The following DCUN1D5 variants were observed in gnomAD, a reference collection of about 807,000 sequenced individuals.
DCUN1D5 encodes DCN1-like protein 5.
In DCUN1D5, 10 loss-of-function variants were observed where a neutral mutation model predicts 38.3. That is an observed-to-expected ratio of 0.26 (90% CI 0.16 to 0.44). The LOEUF (loss-of-function observed/expected upper bound fraction) is 0.44, where lower values mean the gene tolerates loss of function less well. Ranked by LOEUF, DCUN1D5 falls within the 20% of genes least tolerant of loss-of-function variation. The probability of loss-of-function intolerance (pLI) is 1.00; values close to 1 mark genes in which losing one functional copy is unlikely to be tolerated. For synonymous variants in DCUN1D5, 93 were observed against 90.9 expected (o/e 1.02, Z -0.13); for missense variants, 148 against 275.3 (o/e 0.54, Z 3.27).
chr11:103,087,450 G>A lies in DCUN1D5; in HGVS notation c.178+1777C>T, dbSNP rs529165933. ...CTCCCAAAGTGCTGAGATTACAGAC[G>A]TGAGCCACCACACCCGGCTGAAACC... On this transcript the variant is annotated intron_variant, in intron 2 of 7. Transcript: ENST00000260247. The surrounding 1 kb of genome is among the most constrained non-coding windows in gnomAD (Gnocchi z 4.1). Among the ~76,000 whole-genome samples the A allele has an allele frequency of 6.6e-6, 1 of 152,194 alleles. No individual in the cohort carries two copies. The highest frequency in any genetic ancestry group is 6.5e-5 in the Admixed American group (1 of 15,284).
chr11:103,065,910 G>A lies in DCUN1D5; in HGVS notation c.555+359C>T, dbSNP rs1862122944. Among the ~76,000 whole-genome samples the A allele has an allele frequency of 1.3e-5, 2 of 152,192 alleles. No homozygotes were observed. Among genetic ancestry groups the A allele is most frequent in the Non-Finnish European group, 2.9e-5 (2 of 68,010 alleles). The stretch of plus-strand genomic sequence containing the variant: ...TGTACATTTCAGCTTAAGACCCTGT[G>A]TAACAAAAGAAGAAAATCAGATTTA... On this transcript the variant is annotated intron_variant, in intron 6 of 7. Coordinates refer to ENST00000260247, the MANE Select transcript of DCUN1D5 (RefSeq NM_032299.4). This position sits in a 1 kb window ranked among gnomAD's most constrained non-coding sequence, Gnocchi z 4.6.
At position 103,063,082 on chromosome 11, in the gene DCUN1D5, T is replaced by C. The variant is rs1409805266; in HGVS notation, c.659-668A>G. Among the ~76,000 whole-genome samples the C allele has an allele frequency of 3.9e-5, 6 of 152,110 alleles. No individual in the cohort carries two copies. Among genetic ancestry groups the C allele is most frequent in the Admixed American group, 3.9e-4 (6 of 15,254 alleles). The stretch of plus-strand genomic sequence containing the variant: ...AAAACACATAATCCTCTGGTGGTCT[T>C]TTTCCATTGCTTTTGACAGACATGT... On this transcript the variant is annotated intron_variant, in intron 7 of 7. Transcript: ENST00000260247. This position sits in a 1 kb window ranked among gnomAD's most constrained non-coding sequence, Gnocchi z 4.6.
At chr11:103,074,137 T>C (rs940613589) in intron 4 of DCUN1D5, among the ~76,000 whole-genome samples, 3 of 152,034 alleles carry the variant, frequency 2.0e-5, no homozygotes, top group Admixed American at 6.6e-5. Context: ...AAACTGGACA[T>C]CATCAAAAAC....
intron 4 of DCUN1D5, among the ~76,000 whole-genome samples, chr11:103,068,665 A>C (rs1591209088): frequency 6.6e-6 from 1 of 152,152 alleles, no homozygotes; most frequent in East Asian, 1.9e-4. Context: ...AGGAAACAAC[A>C]GACACTGGGG....
At chr11:103,090,604 T>C (rs992415693) in intron 1 of DCUN1D5, among the ~76,000 whole-genome samples, 1 of 152,306 alleles carries the variant, frequency 6.6e-6, no homozygotes, top group African/African-American at 2.4e-5. Context: ...GCAGCTAATA[T>C]GGTTATTTTT....
rs1862731171 is a variant in DCUN1D5 at position 103,087,146 on chromosome 11, TGAAACCCC to T, written c.178+2073_178+2080del. Among the ~76,000 whole-genome samples the T allele has an allele frequency of 6.6e-6, 1 of 150,928 alleles. No individual in the cohort carries two copies. Among genetic ancestry groups the T allele is most frequent in the Admixed American group, 6.6e-5 (1 of 15,188 alleles). On this transcript the variant is annotated intron_variant, in intron 2 of 7. Coordinates refer to ENST00000260247, the MANE Select transcript of DCUN1D5 (RefSeq NM_032299.4). The surrounding 1 kb of genome is among the most constrained non-coding windows in gnomAD (Gnocchi z 4.1). ...TTGGAGACCAGTTTGGGCAACATCG[TGAAACCCC>T]ATTTCTTTTTTTCTTTTTCTTTTTT... is the stretch of plus-strand genomic sequence containing the variant.
At chr11:103,070,509 A>G (rs1163052437) in intron 4 of DCUN1D5, among the ~76,000 whole-genome samples, 1 of 152,224 alleles carries the variant, frequency 6.6e-6, no homozygotes, top group Non-Finnish European at 1.5e-5. Flanking sequence ...AGAAAGACAT[A>G]GCAATCCTAA....
At position 103,059,532 on chromosome 11, in the gene DCUN1D5, AC is replaced by A. The variant is rs1397636632; in HGVS notation, c.*2826del. Among the ~76,000 whole-genome samples, 8 of 152,184 alleles carry A rather than the reference AC, an allele frequency of 5.3e-5. No individual in the cohort carries two copies. Among genetic ancestry groups the A allele is most frequent in the Non-Finnish European group, 1.2e-4 (8 of 68,024 alleles). Reference sequence around the variant, plus strand: ...AACCAATAAAATCTATACATTATACACAAAAATGCTACTACTGTCAAAAATG... The same window carrying A: ...AACCAATAAAATCTATACATTATACAAAAAATGCTACTACTGTCAAAAATG... On this transcript the variant is annotated 3_prime_UTR_variant, in exon 8 of 8. Coordinates refer to ENST00000260247, the MANE Select transcript of DCUN1D5 (RefSeq NM_032299.4).
Position 103,057,000 on chromosome 11 carries a change from A to C in DCUN1D5, c.*5359T>G, listed in dbSNP as rs1041690190. The stretch of plus-strand genomic sequence containing the variant: ...GACATAGGTTAAGTGGCTTGTTTAA[A>C]AGTGACATTAACAGGAATGTCACAA... On this transcript the variant is annotated 3_prime_UTR_variant, in exon 8 of 8. Transcript: ENST00000260247. The surrounding 1 kb of genome is among the most constrained non-coding windows in gnomAD (Gnocchi z 4.9). 6.6e-6 allele frequency among the ~76,000 whole-genome samples: 1 copy of C among 152,168 alleles called. No homozygotes were observed. Among genetic ancestry groups the C allele is most frequent in the Non-Finnish European group, 1.5e-5 (1 of 68,036 alleles).
At chr11:103,085,178 G>A (rs568554997) in intron 2 of DCUN1D5, among the ~76,000 whole-genome samples, 118 of 152,248 alleles carry the variant, frequency 7.8e-4, no homozygotes, top group Admixed American at 1.6e-3. Flanking sequence ...AGTGGCTCAC[G>A]CCTGTAATCT....
chr11:103,053,490 A>G lies in DCUN1D5; in HGVS notation c.*8869T>C, dbSNP rs1201270989. The G allele has an allele frequency of 1.3e-5, 2 of 152,128 alleles. No individual in the cohort carries two copies. Among genetic ancestry groups the G allele is most frequent in the Non-Finnish European group, 2.9e-5 (2 of 67,976 alleles). 9.4% of individuals were successfully genotyped at this position (152,128 alleles called of 1,614,324 possible). A position where few individuals can be genotyped will look rare whatever the true frequency, so the allele number is the denominator to read the frequency against. ...ACTATTGTACATTTCAAAATAGCTA[A>G]AGAGAATTCGAATGTTCCTAGTGTA... On this transcript the variant is annotated 3_prime_UTR_variant, in exon 8 of 8. Coordinates refer to ENST00000260247, the MANE Select transcript of DCUN1D5 (RefSeq NM_032299.4). This position sits in a 1 kb window ranked among gnomAD's most constrained non-coding sequence, Gnocchi z 4.8.
At position 103,057,904 on chromosome 11, in the gene DCUN1D5, TTAA is replaced by T. The variant is rs1861913642; in HGVS notation, c.*4452_*4454del. On this transcript the variant is annotated 3_prime_UTR_variant, in exon 8 of 8. Coordinates refer to ENST00000260247, the MANE Select transcript of DCUN1D5 (RefSeq NM_032299.4). The surrounding 1 kb of genome is among the most constrained non-coding windows in gnomAD (Gnocchi z 4.8). The stretch of plus-strand genomic sequence containing the variant: ...CCATGAAGTATGTGGAAAAAATTCA[TTAA>T]TATCTTAAAGCTCAGAAAGCCAAAA... Among the ~76,000 whole-genome samples, 1 of 152,130 alleles carries T rather than the reference TTAA, an allele frequency of 6.6e-6. No individual in the cohort carries two copies. Among genetic ancestry groups the T allele is most frequent in the Non-Finnish European group, 1.5e-5 (1 of 68,014 alleles).
chr11:103,064,261 T>C lies in DCUN1D5; in HGVS notation c.658+14A>G. ...AAATTTTGTTTTCAAAGGAACATGTTATGTTATACTTACAAGCACCATCTT... is the reference window on the plus strand; with the variant it reads ...AAATTTTGTTTTCAAAGGAACATGTCATGTTATACTTACAAGCACCATCTT... On this transcript the variant is annotated intron_variant, in intron 7 of 7. Transcript: ENST00000260247. The surrounding 1 kb of genome is among the most constrained non-coding windows in gnomAD (Gnocchi z 4.5). The C allele has an allele frequency of 1.3e-6, 2 of 1,597,318 alleles. No homozygotes were observed. Among genetic ancestry groups the C allele is most frequent in the African/African-American group, 1.3e-5 (1 of 74,694 alleles).
intron 4 of DCUN1D5, among the ~76,000 whole-genome samples, chr11:103,080,553 C>T (rs1862533843): frequency 6.6e-6 from 1 of 152,206 alleles, no homozygotes; most frequent in Non-Finnish European, 1.5e-5. Flanking sequence ...TCACTTCAAG[C>T]ATTCCTCAGT....
intron 4 of DCUN1D5, among the ~76,000 whole-genome samples, chr11:103,070,312 CTT>C (rs1807369968): frequency 6.6e-6 from 1 of 151,894 alleles, no homozygotes; most frequent in Non-Finnish European, 1.5e-5. Flanking sequence ...CTAGAAGAAA[CTT>C]TAACTTCAAA....
Position 103,054,494 on chromosome 11 carries a change from T to C in DCUN1D5, c.*7865A>G, listed in dbSNP as rs1458360470. The C allele has an allele frequency of 6.6e-6, 1 of 152,066 alleles. No homozygotes were observed. The highest frequency in any genetic ancestry group is 2.1e-4 in the South Asian group (1 of 4,834). 9.4% of individuals were successfully genotyped at this position (152,066 alleles called of 1,614,324 possible). ...AATAAGTGAGTCAGGATTTCTATTA[T>C]TGAAGGGAAAAAGACATTTAAATAG... On this transcript the variant is annotated 3_prime_UTR_variant, in exon 8 of 8. Coordinates refer to ENST00000260247, the MANE Select transcript of DCUN1D5 (RefSeq NM_032299.4).
At chr11:103,068,507 A>T (rs1480013718) in intron 4 of DCUN1D5, among the ~76,000 whole-genome samples, 1 of 152,204 alleles carries the variant, frequency 6.6e-6, no homozygotes, top group Admixed American at 6.5e-5. Flanking sequence ...CTAAGCAGCC[A>T]TAAAAAAAGA....
rs1862260200 is a variant in DCUN1D5, at chr11:103,071,105, A to T, written c.342-4538T>A. ...TAGTGCTAAATACACACATTAGAAA[A>T]AAGAAAAAGCCTTAATCAACAATCT... is the stretch of plus-strand genomic sequence containing the variant. On this transcript the variant is annotated intron_variant, in intron 4 of 7. Transcript: ENST00000260247. The surrounding 1 kb of genome is among the most constrained non-coding windows in gnomAD (Gnocchi z 4.1). 6.6e-6 allele frequency among the ~76,000 whole-genome samples: 1 copy of T among 152,120 alleles called. No individual in the cohort carries two copies.
At position 103,083,341 on chromosome 11, in the gene DCUN1D5, ATAAT is replaced by A. The variant is rs749622611; in HGVS notation, c.179-19_179-16del. The stretch of plus-strand genomic sequence containing the variant: ...TTCATCAGGACCTTCAAAGACAAAA[ATAAT>A]TAACATATTTTGTTATAATATCAAC... On this transcript the variant is annotated splice_polypyrimidine_tract_variant and intron_variant, in intron 2 of 7. Coordinates refer to ENST00000260247, the MANE Select transcript of DCUN1D5 (RefSeq NM_032299.4). This position sits in a 1 kb window ranked among gnomAD's most constrained non-coding sequence, Gnocchi z 4.4. 2.1e-6 allele frequency: 3 copies of A among 1,455,624 alleles called. No homozygotes were observed. The highest frequency in any genetic ancestry group is 1.9e-6 in the Non-Finnish European group (2 of 1,038,282). The allele number at this position is 1,455,624 out of a possible 1,614,324, so 90.2% of individuals were successfully genotyped here.
Sources: allele counts gnomAD v4.1 joint callset (sites outside exome capture counted in the v4.1 genomes callset), GRCh38; gene constraint gnomAD v4.1.1; non-coding constraint Gnocchi (gnomAD v3.1); transcripts MANE v1.5; gene names NCBI Gene and HGNC (gene_info 2026-07-23, HGNC 2026-07-21).